SPON1: variants seen among roughly 807,000 people sequenced by gnomAD.
SPON1 encodes spondin-1.
A neutral mutation model predicts 111.7 loss-of-function variants in SPON1; 52 were observed. That is an observed-to-expected ratio of 0.47 (90% CI 0.37 to 0.59). The LOEUF (loss-of-function observed/expected upper bound fraction) is 0.59. Among genes scored for constraint, SPON1 ranks in the 20% least tolerant of loss-of-function variants. SPON1 has a pLI of 0.00. For synonymous variants in SPON1, 410 were observed against 395.8 expected (o/e 1.04, Z -0.43); for missense variants, 957 against 1,068.5 (o/e 0.90, Z 1.46).
chr11:14,062,562 T>C (rs1848799360), intron 3 of SPON1, among the ~76,000 whole-genome samples: 1 of 152,100 alleles, frequency 6.6e-6, no homozygotes, highest in South Asian at 2.1e-4. Context: ...AGAATCCAAA[T>C]TGGCAGGAGA....
intron 3 of SPON1, among the ~76,000 whole-genome samples, chr11:14,049,556 G>C (rs1355419947): frequency 5.3e-5 from 8 of 152,128 alleles, no homozygotes; most frequent in African/African-American, 1.4e-4. Flanking sequence ...CTCTCTCTCT[G>C]AACTCTGAAT....
intron 6 of SPON1, among the ~76,000 whole-genome samples, chr11:14,206,455 T>C (rs561778930): frequency 2.6e-5 from 4 of 152,332 alleles, no homozygotes; most frequent in South Asian, 2.1e-4. Flanking sequence ...CCTCCCATGG[T>C]TACCTTTTTA....
At position 14,060,520 on chromosome 11, in the gene SPON1, T is replaced by C. The variant is rs367895060; in HGVS notation, c.480-14825T>C. Among the ~76,000 whole-genome samples the C allele has an allele frequency of 1.7e-4, 26 of 152,274 alleles. No individual in the cohort carries two copies. The East Asian group carries it at 4.2e-3, about 25-fold the overall frequency. ...ATTTATTTGCAAAAGGAGTACTACCTACCTCATAGGCAGGAGAATTAAACG... is the reference window on the plus strand; with the variant it reads ...ATTTATTTGCAAAAGGAGTACTACCCACCTCATAGGCAGGAGAATTAAACG... On this transcript the variant is annotated intron_variant, in intron 3 of 15. Coordinates refer to ENST00000576479, the MANE Select transcript of SPON1 (RefSeq NM_006108.4).
At chr11:14,204,889 G>A (rs181937309) in intron 6 of SPON1, among the ~76,000 whole-genome samples, 311 of 151,706 alleles carry the variant, frequency 2.1e-3, no homozygotes, top group South Asian at 0.013. Context: ...GGGTTTCACC[G>A]TGTTAGCCAG....
intron 1 of SPON1, among the ~76,000 whole-genome samples, chr11:13,979,499 A>G (rs1167147828): frequency 1.3e-5 from 2 of 152,222 alleles, no homozygotes; most frequent in East Asian, 3.9e-4. Context: ...AGGGGAAACT[A>G]GTAAGAGAGT....
At chr11:14,123,956 T>G (rs538546250) in intron 5 of SPON1, among the ~76,000 whole-genome samples, 1 of 152,340 alleles carries the variant, frequency 6.6e-6, no homozygotes, top group South Asian at 2.1e-4. Context: ...TTATAGTTAT[T>G]TATGTCCAGA....
intron 7 of SPON1, among the ~76,000 whole-genome samples, chr11:14,247,148 C>G (rs1288871860): frequency 1.3e-5 from 2 of 152,156 alleles, no homozygotes; most frequent in African/African-American, 4.8e-5. Context: ...TGGCTCACAC[C>G]TGTAATCTTA....
intron 5 of SPON1, among the ~76,000 whole-genome samples, chr11:14,127,625 G>A (rs1554927123): frequency 6.6e-6 from 1 of 152,140 alleles, no homozygotes; most frequent in Non-Finnish European, 1.5e-5. Context: ...TGCATTTTTG[G>A]GTTAACTGAA....
chr11:14,076,204 TAA>T (rs1351616826), intron 4 of SPON1, among the ~76,000 whole-genome samples: 1 of 152,256 alleles, frequency 6.6e-6, no homozygotes, highest in African/African-American at 2.4e-5. Context: ...GGAATGTTTT[TAA>T]AAGTTATTGG....
intron 2 of SPON1, among the ~76,000 whole-genome samples, chr11:14,028,835 A>C (rs906899773): frequency 6.6e-6 from 1 of 152,204 alleles, no homozygotes; most frequent in Non-Finnish European, 1.5e-5. Flanking sequence ...GGCAGAAATC[A>C]GACCTATGTC....
At chr11:14,092,872 C>T (rs1350880660) in intron 5 of SPON1, among the ~76,000 whole-genome samples, 7 of 152,048 alleles carry the variant, frequency 4.6e-5, no homozygotes, top group Non-Finnish European at 8.8e-5. Flanking sequence ...ACAGAGTGTC[C>T]GAAACAAAAT....
At chr11:13,998,398 T>G (rs1848290089) in intron 2 of SPON1, among the ~76,000 whole-genome samples, 1 of 152,224 alleles carries the variant, frequency 6.6e-6, no homozygotes, top group Non-Finnish European at 1.5e-5. Context: ...TCATACCAGG[T>G]TTACAGCTTC....
intron 5 of SPON1, among the ~76,000 whole-genome samples, chr11:14,109,092 C>A (rs187923637): frequency 1.3e-4 from 20 of 152,252 alleles, no homozygotes; most frequent in Admixed American, 2.0e-4. Context: ...TTTAAGGAAG[C>A]TCTCCCTGAT....
Position 14,084,906 on chromosome 11 carries a change from T to A in SPON1, c.676+4885T>A, listed in dbSNP as rs1455929586. Among the ~76,000 whole-genome samples, 3 of 152,264 alleles carry A rather than the reference T, an allele frequency of 2.0e-5. No homozygotes were observed. The East Asian group carries it at 5.8e-4, about 29-fold the overall frequency. Reference sequence around the variant, plus strand: ...GCATTTCCCTAATGACCAGTGATGATGAGCTTTTTTTCATATGTTTGTTGG... The same window carrying A: ...GCATTTCCCTAATGACCAGTGATGAAGAGCTTTTTTTCATATGTTTGTTGG... On this transcript the variant is annotated intron_variant, in intron 5 of 15. Transcript: ENST00000576479.
In SPON1 at chr11:14,266,512, A is replaced by C. The variant is rs1220481511; in HGVS notation, c.*825A>C. On this transcript the variant is annotated 3_prime_UTR_variant, in exon 16 of 16. Coordinates refer to ENST00000576479, the MANE Select transcript of SPON1 (RefSeq NM_006108.4). Reference sequence around the variant, plus strand: ...TAAATCCTTATTGGAACCAAGACAAAGGAAGCAAAATTGGTCTCTTTAGAG... The same window carrying C: ...TAAATCCTTATTGGAACCAAGACAACGGAAGCAAAATTGGTCTCTTTAGAG... 6.6e-6 allele frequency: 1 copy of C among 152,186 alleles called. No individual in the cohort carries two copies. Among genetic ancestry groups the C allele is most frequent in the Non-Finnish European group, 1.5e-5 (1 of 68,028 alleles). 9.4% of individuals were successfully genotyped at this position (152,186 alleles called of 1,614,324 possible). A position where few individuals can be genotyped will look rare whatever the true frequency, so the allele number is the denominator to read the frequency against.
chr11:14,217,700 T>C (rs1848640359), intron 6 of SPON1, among the ~76,000 whole-genome samples: 1 of 152,168 alleles, frequency 6.6e-6, no homozygotes, highest in African/African-American at 2.4e-5. Context: ...ACTTATTAGC[T>C]CTGTGATCTT....
chr11:14,033,422 G>A (rs910982058), intron 2 of SPON1, among the ~76,000 whole-genome samples: 1 of 152,198 alleles, frequency 6.6e-6, no homozygotes, highest in Non-Finnish European at 1.5e-5. Flanking sequence ...CTTGAGGCTT[G>A]TGTCTCTTGA....
intron 6 of SPON1, among the ~76,000 whole-genome samples, chr11:14,204,898 AG>A (rs782594585): frequency 8.6e-5 from 13 of 151,898 alleles, no homozygotes; most frequent in Admixed American, 3.3e-4. Context: ...CGTGTTAGCC[AG>A]GATGGTCTTG....
intron 5 of SPON1, among the ~76,000 whole-genome samples, chr11:14,121,032 G>A (rs1554926457): frequency 6.6e-6 from 1 of 152,134 alleles, no homozygotes; most frequent in Non-Finnish European, 1.5e-5. Flanking sequence ...ACAACAACAT[G>A]GATAAATCTC....
Sources: gnomAD v4.1 joint callset for allele counts (sites outside exome capture counted in the v4.1 genomes callset) on GRCh38, gnomAD v4.1.1 for gene constraint, MANE v1.5 for transcripts, NCBI Gene and HGNC (gene_info 2026-07-23, HGNC 2026-07-21) for gene names.